The following PALD1 variants were observed in gnomAD, a reference collection of about 807,000 sequenced individuals.
PALD1 encodes paladin.
PALD1 carries 57 observed loss-of-function variants against 96.0 expected under a neutral mutation model. That is an observed-to-expected ratio of 0.59 (90% CI 0.48 to 0.74). The LOEUF is 0.74. PALD1 is among the 30% of genes least tolerant of loss of function. The probability of loss-of-function intolerance (pLI) is 0.00; values close to 1 mark genes in which losing one functional copy is unlikely to be tolerated. For synonymous variants in PALD1, 464 were observed against 473.6 expected, an observed-to-expected ratio of 0.98 and a Z score of 0.26; for missense variants, 1,063 against 1,143.7, an observed-to-expected ratio of 0.93 and a Z score of 1.02.
intron 1 of PALD1, among the ~76,000 whole-genome samples, chr10:70,495,114 C>T (rs1034445620): frequency 6.6e-5 from 10 of 152,200 alleles, no homozygotes; most frequent in Non-Finnish European, 1.2e-4. Flanking sequence ...TTCTTCCCAC[C>T]GCAGGGCATC....
At chr10:70,562,375 A>G (rs1383987414) in intron 18 of PALD1, among the ~76,000 whole-genome samples, 4 of 152,206 alleles carry the variant, frequency 2.6e-5, no homozygotes, top group Admixed American at 2.0e-4. Context: ...CCGTGGAGGT[A>G]GAAGTGGGAG....
At chr10:70,460,788 G>A in the PALD1 span, among the ~76,000 whole-genome samples, 1 of 152,220 alleles carries the variant, frequency 6.6e-6, no homozygotes, top group Non-Finnish European at 1.5e-5. Flanking sequence ...GGGCCAGGTG[G>A]CTCACGCCTG....
intron 17 of PALD1, among the ~76,000 whole-genome samples, chr10:70,545,854 C>G (rs1341607207): frequency 6.6e-6 from 1 of 152,108 alleles, no homozygotes; most frequent in Non-Finnish European, 1.5e-5. Context: ...CTCCTCACCC[C>G]TCCAGCCCTA....
At chr10:70,542,966 G>A (rs1254601205) in intron 17 of PALD1, among the ~76,000 whole-genome samples, 1 of 150,970 alleles carries the variant, frequency 6.6e-6, no homozygotes, top group Non-Finnish European at 1.5e-5. Flanking sequence ...AGAGATGGGA[G>A]TTCACCGTGT....
chr10:70,464,940 TG>T, the PALD1 span, among the ~76,000 whole-genome samples: 5 of 76,886 alleles, frequency 6.5e-5, no homozygotes, highest in African/African-American at 4.3e-4. Flanking sequence ...TATGTACACT[TG>T]TATGTATGTA....
chr10:70,462,047 C>G, the PALD1 span, among the ~76,000 whole-genome samples: 1 of 152,246 alleles, frequency 6.6e-6, no homozygotes, highest in Non-Finnish European at 1.5e-5. Context: ...CCCACCTCAG[C>G]TTCCCATAGT....
chr10:70,465,007 C>T, the PALD1 span, among the ~76,000 whole-genome samples: 1 of 151,166 alleles, frequency 6.6e-6, no homozygotes, highest in African/African-American at 2.4e-5. Flanking sequence ...TGGAGTCTCG[C>T]TCTGTTGCCC....
chr10:70,531,989 A>AAAAAAG (rs1447217996), intron 5 of PALD1, among the ~76,000 whole-genome samples: 3 of 151,954 alleles, frequency 2.0e-5, no homozygotes, highest in Non-Finnish European at 2.9e-5. Context: ...TCTAAAAAAA[A>AAAAAAG]AAAAAGAAAA....
intron 1 of PALD1, among the ~76,000 whole-genome samples, chr10:70,490,985 C>G (rs896790846): frequency 6.6e-6 from 1 of 151,926 alleles, no homozygotes; most frequent in Non-Finnish European, 1.5e-5. Context: ...GACAGAGTCT[C>G]GCTCTGTCGC....
intron 2 of PALD1, among the ~76,000 whole-genome samples, chr10:70,527,219 C>A (rs554465295): frequency 8.5e-5 from 13 of 152,280 alleles, no homozygotes; most frequent in African/African-American, 3.1e-4. Flanking sequence ...CCTCAGTTTC[C>A]TTATCAACAT....
chr10:70,565,343 C>T (rs1288432657), intron 19 of PALD1, among the ~76,000 whole-genome samples: 1 of 152,200 alleles, frequency 6.6e-6, no homozygotes, highest in African/African-American at 2.4e-5. Flanking sequence ...GCAGAGCTGC[C>T]ACCTTGGCAC....
intron 1 of PALD1, among the ~76,000 whole-genome samples, chr10:70,512,689 A>G (rs774019598): frequency 3.9e-4 from 59 of 152,250 alleles, no homozygotes; most frequent in Non-Finnish European, 3.5e-4. Context: ...CTGGGACACA[A>G]GTGAACACGG....
At chr10:70,536,572 C>G (rs1280974874) in intron 10 of PALD1, among the ~76,000 whole-genome samples, 1 of 152,192 alleles carries the variant, frequency 6.6e-6, no homozygotes, top group Non-Finnish European at 1.5e-5. Flanking sequence ...TCCAGCCTGC[C>G]GCCTGTCTTT....
At chr10:70,484,601 G>A (rs908210597) in intron 1 of PALD1, among the ~76,000 whole-genome samples, 1 of 151,094 alleles carries the variant, frequency 6.6e-6, no homozygotes, top group African/African-American at 2.4e-5. Context: ...GTGCAGTGGC[G>A]TGATCTCAGC....
At chr10:70,510,541 C>T (rs1846491859) in intron 1 of PALD1, among the ~76,000 whole-genome samples, 1 of 152,202 alleles carries the variant, frequency 6.6e-6, no homozygotes, top group African/African-American at 2.4e-5. Context: ...AGGAGCCAGC[C>T]TTTTTCAGAA....
At chr10:70,524,505 C>G (rs796620785) in intron 1 of PALD1, among the ~76,000 whole-genome samples, 5 of 152,264 alleles carry the variant, frequency 3.3e-5, no homozygotes, top group African/African-American at 1.2e-4. Context: ...AACCATATTA[C>G]CCAGTGTTTG....
At chr10:70,536,702 G>C (rs1847122465) in intron 10 of PALD1, among the ~76,000 whole-genome samples, 1 of 152,224 alleles carries the variant, frequency 6.6e-6, no homozygotes, top group Non-Finnish European at 1.5e-5. Flanking sequence ...TGAAAGTCTA[G>C]AGTATTTACC....
chr10:70,507,312 T>C (rs1846411403), intron 1 of PALD1, among the ~76,000 whole-genome samples: 1 of 151,844 alleles, frequency 6.6e-6, no homozygotes. Context: ...CTTGGGAGGT[T>C]GAGGCAGGAG....
At chr10:70,466,598 G>C in the PALD1 span, among the ~76,000 whole-genome samples, 3 of 152,174 alleles carry the variant, frequency 2.0e-5, no homozygotes, top group Non-Finnish European at 2.9e-5. Flanking sequence ...TCTTGTAGCT[G>C]TGCAACCATC....
Sources: gnomAD v4.1 joint callset for allele counts (sites outside exome capture counted in the v4.1 genomes callset) on GRCh38, gnomAD v4.1.1 for gene constraint, MANE v1.5 for transcripts, NCBI Gene and HGNC (gene_info 2026-07-23, HGNC 2026-07-21) for gene names.